Variants in TJP1 observed in about 807,000 individuals in gnomAD.
TJP1 encodes the protein tight junction protein ZO-1.
A neutral mutation model predicts 194.2 loss-of-function variants in TJP1; 43 were observed. The ratio of observed to expected loss-of-function variants is 0.22; its 90% CI spans 0.17 to 0.29. The LOEUF (loss-of-function observed/expected upper bound fraction) is 0.29, where lower values mean the gene tolerates loss of function less well. Ranked by LOEUF, TJP1 falls within the 10% of genes least tolerant of loss-of-function variation. The pLI, the probability that TJP1 is intolerant of heterozygous loss-of-function variation, is 1.00. For missense variants in TJP1, 1,971 were observed against 2,185.7 expected (o/e 0.90, Z 1.96); for synonymous variants, 801 against 779.0 (o/e 1.03, Z -0.47).
chr15:29,902,579 T>C (rs1381240737), intron 2 of TJP1, among the ~76,000 whole-genome samples: 4 of 152,202 alleles, frequency 2.6e-5, no homozygotes, highest in Non-Finnish European at 4.4e-5. Context: ...CTGTTCTGTA[T>C]GAACAAAATT....
chr15:29,952,080 A>C (rs1482184072), intron 2 of TJP1, among the ~76,000 whole-genome samples: 1 of 152,200 alleles, frequency 6.6e-6, no homozygotes, highest in African/African-American at 2.4e-5. Context: ...AACATCATTC[A>C]CTAAATCTAA....
At chr15:29,832,094 C>A (rs2050854466) in intron 2 of TJP1, among the ~76,000 whole-genome samples, 1 of 152,136 alleles carries the variant, frequency 6.6e-6, no homozygotes. Flanking sequence ...TGTGGCTCTT[C>A]TCATCAACAG....
intron 2 of TJP1, among the ~76,000 whole-genome samples, chr15:29,784,312 CT>C (rs1363276187): frequency 3.3e-5 from 5 of 149,608 alleles, no homozygotes; most frequent in African/African-American, 1.2e-4. Flanking sequence ...TTTTTTTTTT[CT>C]TTTGAGACAG....
intron 1 of TJP1, among the ~76,000 whole-genome samples, chr15:29,816,877 T>C (rs1014816895): frequency 4.6e-5 from 7 of 152,088 alleles, no homozygotes; most frequent in South Asian, 4.1e-4. Context: ...ACCTAGGCAA[T>C]ACCATTCAGG....
chr15:29,824,496 G>A (rs1316426837), upstream of TJP1, among the ~76,000 whole-genome samples: 1 of 151,664 alleles, frequency 6.6e-6, no homozygotes, highest in Non-Finnish European at 1.5e-5. Context: ...CACTTTGGGA[G>A]GCCAAGACCA....
At position 29,843,560 on chromosome 15, in the gene TJP1, T is replaced by A. The variant is rs531065648; in HGVS notation, c.307-42858A>T. Among the ~76,000 whole-genome samples the A allele has an allele frequency of 5.4e-4, 82 of 152,316 alleles. 1 individual carries two copies. The South Asian group carries it at 0.017, about 31-fold the overall frequency. On this transcript the variant is annotated intron_variant, in intron 2 of 28. Transcript: ENST00000356107. ...CATTCCTAAGATGAAGAAAGTTATC[T>A]TCTAGACCAAATTCAATTTTCAGCA...
chr15:29,706,136 T>G (rs1248345847), intron 25 of TJP1, among the ~76,000 whole-genome samples: 15 of 152,158 alleles, frequency 9.9e-5, no homozygotes. Context: ...TTCACCATAT[T>G]GGCCGGGCTG....
intron 12 of TJP1, 135 bp from the exon 13 acceptor site, chr15:29,733,448 A>T: frequency 1.5e-6 from 1 of 680,482 alleles, no homozygotes; most frequent in Non-Finnish European, 2.4e-6. Context: ...CAGGTACTGT[A>T]TTATTTCATG....
intron 2 of TJP1, among the ~76,000 whole-genome samples, chr15:29,854,142 C>T (rs1228579640): frequency 6.6e-6 from 1 of 152,096 alleles, no homozygotes; most frequent in Non-Finnish European, 1.5e-5. Context: ...AATCCATGTG[C>T]AAAATGTAAT....
At chr15:29,756,635 G>T (rs2045660465) in intron 8 of TJP1, among the ~76,000 whole-genome samples, 1 of 152,116 alleles carries the variant, frequency 6.6e-6, no homozygotes. Flanking sequence ...CCATATGTTT[G>T]CTCTCTAAGA....
chr15:29,903,879 T>TA, intron 2 of TJP1, among the ~76,000 whole-genome samples: 1 of 152,304 alleles, frequency 6.6e-6, no homozygotes, highest in South Asian at 2.1e-4. Flanking sequence ...AATTTGCTTG[T>TA]AAAAATCCAA....
At chr15:29,854,875 A>C (rs1596113537) in intron 2 of TJP1, among the ~76,000 whole-genome samples, 2 of 152,324 alleles carry the variant, frequency 1.3e-5, no homozygotes, top group East Asian at 3.9e-4. Context: ...GAAACAGCCA[A>C]ATAGAAAGCT....
At chr15:29,705,778 C>G in intron 25 of TJP1, 33 bp from the exon 26 acceptor site, 1 of 1,585,918 alleles carries the variant, frequency 6.3e-7, no homozygotes, top group Non-Finnish European at 8.7e-7. Context: ...TGAGTGAATT[C>G]CTAATAATAC....
intron 2 of TJP1, among the ~76,000 whole-genome samples, chr15:29,951,686 C>T (rs1017784725): frequency 1.3e-5 from 2 of 152,120 alleles, no homozygotes; most frequent in Non-Finnish European, 1.5e-5. Context: ...TCCCTTTTGC[C>T]TAATGATTAT....
At chr15:29,865,331 T>C (rs750478218) in intron 2 of TJP1, among the ~76,000 whole-genome samples, 21 of 152,174 alleles carry the variant, frequency 1.4e-4, no homozygotes, top group Non-Finnish European at 2.2e-4. Context: ...CTTACAAATG[T>C]TAATGTAAAC....
intron 8 of TJP1, among the ~76,000 whole-genome samples, chr15:29,746,017 G>C (rs964077168): frequency 1.3e-5 from 2 of 152,206 alleles, no homozygotes; most frequent in African/African-American, 4.8e-5. Context: ...GTTCTAATAA[G>C]CATGCATTGT....
At position 29,955,693 on chromosome 15, in the gene TJP1, G is replaced by T. The variant is rs145086174; in HGVS notation, c.306+539C>A. 1.6e-4 allele frequency among the ~76,000 whole-genome samples: 22 copies of T among 136,832 alleles called. No individual in the cohort carries two copies. In the South Asian group the frequency reaches 2.7e-3, roughly 17 times the overall value. 89.8% of individuals were successfully genotyped at this position (136,832 alleles called of 152,430 possible). ...ATGAGCCCAGGTGTTCAAGGCTGCAGTGAGCCATGATTGCACCACTGCACT... is the reference window on the plus strand; with the variant it reads ...ATGAGCCCAGGTGTTCAAGGCTGCATTGAGCCATGATTGCACCACTGCACT... On this transcript the variant is annotated intron_variant, in intron 2 of 28. Transcript: ENST00000356107.
chr15:29,904,558 CA>C (rs762087857), intron 2 of TJP1, among the ~76,000 whole-genome samples: 387 of 135,846 alleles, frequency 2.8e-3, no homozygotes, highest in East Asian at 4.2e-3. Flanking sequence ...AATAATTTAC[CA>C]AAAAAAAAAA....
intron 2 of TJP1, among the ~76,000 whole-genome samples, chr15:29,833,881 A>ATATATATATATATTTTTTTTT (rs1555434000): frequency 1.6e-4 from 2 of 12,614 alleles, no homozygotes; most frequent in African/African-American, 3.0e-4. Flanking sequence ...ATATATATAT[A>ATATATATATATATTTTTTTTT]TTTTTTTTTT....
Sources: allele counts gnomAD v4.1 joint callset (sites outside exome capture counted in the v4.1 genomes callset), GRCh38; gene constraint gnomAD v4.1.1; transcripts MANE v1.5; gene names NCBI Gene and HGNC (gene_info 2026-07-23, HGNC 2026-07-21).